Variants in KLF5 observed in about 807,000 individuals in gnomAD.
KLF5 encodes KLF transcription factor 5.
A neutral mutation model predicts 36.9 loss-of-function variants in KLF5; 9 were observed. The observed-to-expected ratio is 0.24, with a 90% CI of 0.15 to 0.43. The LOEUF is 0.43. Among genes scored for constraint, KLF5 ranks in the 20% least tolerant of loss-of-function variants. The pLI, the probability that KLF5 is intolerant of heterozygous loss-of-function variation, is 1.00. For synonymous variants in KLF5, 246 were observed against 241.7 expected (o/e 1.02, Z -0.17); for missense variants, 524 against 599.5 (o/e 0.87, Z 1.31).
At chr13:73,060,390 C>A (rs41286072) in intron 1 of KLF5, among the ~76,000 whole-genome samples, 1 of 152,138 alleles carries the variant, frequency 6.6e-6, no homozygotes, top group Non-Finnish European at 1.5e-5. Flanking sequence ...TACCCACATG[C>A]AAACAGCTGG....
At chr13:73,066,897 AT>A (rs1196709554) in intron 3 of KLF5, among the ~76,000 whole-genome samples, 4 of 152,160 alleles carry the variant, frequency 2.6e-5, no homozygotes, top group Non-Finnish European at 4.4e-5. Context: ...TACTGGAAAC[AT>A]TTGCTTCTAT....
chr13:73,069,501 C>T (rs2044707458), intron 3 of KLF5, among the ~76,000 whole-genome samples: 4 of 151,660 alleles, frequency 2.6e-5, no homozygotes, highest in Admixed American at 2.6e-4. Context: ...TCATTCTTTT[C>T]CATTTTTTTT....
Position 73,062,521 on chromosome 13 carries a change from G to A in KLF5, c.922G>A (p.Glu308Lys). ...TYFPPSPPSS[E>K]PGSPDRQAEM... ...CTTTCCCCCGTCACCACCAAGCTCAGAGCCTGGAAGTCCAGATAGACAAGC... is the reference window on the plus strand; with the variant it reads ...CTTTCCCCCGTCACCACCAAGCTCAAAGCCTGGAAGTCCAGATAGACAAGC... The change falls in exon 2 of 4, where the codon GAG becomes AAG. Residue 308 changes from glutamate (E) to lysine (K), a missense_variant. By Grantham distance (56) the Glu-to-Lys change is moderately conservative. Transcript: ENST00000377687. 1 of 1,614,164 alleles carries A rather than the reference G, an allele frequency of 6.2e-7. No individual in the cohort carries two copies. Among genetic ancestry groups the A allele is most frequent in the Non-Finnish European group, 8.5e-7 (1 of 1,180,040 alleles).
Position 73,062,117 on chromosome 13 carries a change from G to A in KLF5, c.518G>A (p.Ser173Asn). The A allele has an allele frequency of 6.2e-7, 1 of 1,614,086 alleles. No individual in the cohort carries two copies. Among genetic ancestry groups the A allele is most frequent in the Non-Finnish European group, 8.5e-7 (1 of 1,180,028 alleles). ...CCTGTTGCCATTTTCAGCCACCAGA[G>A]TGAAACGACTGCCCCTCCTCCGGCC... ...TEPVAIFSHQ[S>N]ETTAPPPAPT... The change falls in exon 2 of 4, where the codon AGT (serine) becomes AAT (asparagine). Residue 173 changes from serine to asparagine, a missense_variant. Transcript: ENST00000377687.
At chr13:73,066,448 A>G (rs1441399082) in intron 3 of KLF5, among the ~76,000 whole-genome samples, 1 of 151,898 alleles carries the variant, frequency 6.6e-6, no homozygotes, top group Non-Finnish European at 1.5e-5. Flanking sequence ...CGGACCGTTG[A>G]TCAGAGGACT....
In KLF5 at chr13:73,075,939, C is replaced by T. The variant is rs2044757550; in HGVS notation, c.*53C>T. 7.3e-7 allele frequency: 1 copy of T among 1,360,738 alleles called. No individual in the cohort carries two copies. Among genetic ancestry groups the T allele is most frequent in the Admixed American group, 2.6e-5 (1 of 38,488 alleles). The allele number at this position is 1,360,738 out of a possible 1,614,324, so 84.3% of individuals were successfully genotyped here. On this transcript the variant is annotated 3_prime_UTR_variant, in exon 4 of 4. Coordinates refer to ENST00000377687, the MANE Select transcript of KLF5 (RefSeq NM_001730.5). ...CCCCTGGGCTCCCTCAAATGACAGA[C>T]CTAACTATTCCTGTGTAAAAACAAC... is the stretch of plus-strand genomic sequence containing the variant.
At position 73,069,225 on chromosome 13, in the gene KLF5, G is replaced by C. The variant is rs1231107741; in HGVS notation, c.1195+5342G>C. Among the ~76,000 whole-genome samples the C allele has an allele frequency of 2.6e-5, 4 of 152,162 alleles. No individual in the cohort carries two copies. The East Asian group carries it at 7.7e-4, about 29-fold the overall frequency. Reference sequence around the variant, plus strand: ...TTACTCTTCTTTTTGTGGAACTGTGGGAAAAGGGTAAAAGGCTTTTTAGGA... The same window carrying C: ...TTACTCTTCTTTTTGTGGAACTGTGCGAAAAGGGTAAAAGGCTTTTTAGGA... On this transcript the variant is annotated intron_variant, in intron 3 of 3. Coordinates refer to ENST00000377687, the MANE Select transcript of KLF5 (RefSeq NM_001730.5).
intron 3 of KLF5, among the ~76,000 whole-genome samples, chr13:73,068,638 A>T (rs1369232320): frequency 7.2e-6 from 1 of 138,804 alleles, no homozygotes; most frequent in African/African-American, 2.7e-5. Context: ...CACGAGGCGG[A>T]GGTTGCAGTG....
At position 73,059,057 on chromosome 13, in the gene KLF5, G is replaced by A. The variant is rs569317819; in HGVS notation, c.-271G>A. The A allele has an allele frequency of 3.4e-5, 11 of 319,266 alleles. No homozygotes were observed. In the East Asian group the frequency reaches 4.8e-4, roughly 14 times the overall value. 19.8% of individuals were successfully genotyped at this position (319,266 alleles called of 1,614,324 possible). A position where few individuals can be genotyped will look rare whatever the true frequency, so the allele number is the denominator to read the frequency against. On this transcript the variant is annotated 5_prime_UTR_variant, in exon 1 of 4. Transcript: ENST00000377687. ...GGTTCTCTCGCGGAGGTCGGCGGTG[G>A]CGGGAGCGGGCTCCGGAGAGCCTGA...
chr13:73,064,950 A>G (rs765949224), intron 3 of KLF5, among the ~76,000 whole-genome samples: 1 of 152,254 alleles, frequency 6.6e-6, no homozygotes, highest in Non-Finnish European at 1.5e-5. Flanking sequence ...ATTGTCAAAT[A>G]TATAGATGGT....
At chr13:73,072,222 AG>A (rs57574208) in intron 3 of KLF5, among the ~76,000 whole-genome samples, 2 of 151,590 alleles carry the variant, frequency 1.3e-5, no homozygotes, top group African/African-American at 4.9e-5. Context: ...AGTCATTCAG[AG>A]GGGGGAAAAA....
At chr13:73,071,673 G>A (rs967904050) in intron 3 of KLF5, among the ~76,000 whole-genome samples, 1 of 151,952 alleles carries the variant, frequency 6.6e-6, no homozygotes, top group Non-Finnish European at 1.5e-5. Context: ...ACTAAATTTC[G>A]TAAGTCTCAA....
At chr13:73,055,744 G>A (rs769980385), upstream of KLF5, among the ~76,000 whole-genome samples, 17 of 152,246 alleles carry the variant, frequency 1.1e-4, no homozygotes, top group Non-Finnish European at 2.1e-4. Context: ...AGAGAAGAGT[G>A]TGCTCCCGTA....
intron 3 of KLF5, among the ~76,000 whole-genome samples, chr13:73,068,575 A>G (rs1460746316): frequency 6.6e-6 from 1 of 151,706 alleles, no homozygotes; most frequent in East Asian, 2.0e-4. Context: ...GTGGTGGCAC[A>G]TGCCTGTAGT....
intron 2 of KLF5, among the ~76,000 whole-genome samples, chr13:73,063,352 G>A (rs1164877635): frequency 6.6e-6 from 1 of 152,178 alleles, no homozygotes; most frequent in East Asian, 1.9e-4. Flanking sequence ...AAGTTACTGG[G>A]AAAGCTAGTT....
intron 1 of KLF5, among the ~76,000 whole-genome samples, chr13:73,060,377 A>C (rs1396103408): frequency 6.6e-6 from 1 of 152,182 alleles, no homozygotes; most frequent in Non-Finnish European, 1.5e-5. Context: ...AAAATTGGAA[A>C]CATACCCACA....
At chr13:73,059,687 G>A in intron 1 of KLF5, 99 bp downstream of exon 1, 1 of 1,006,678 alleles carries the variant, frequency 9.9e-7, no homozygotes, top group Non-Finnish European at 1.2e-6. Flanking sequence ...AGGCTGGGGC[G>A]TGCGTCGGGG....
Position 73,076,136 on chromosome 13 carries a change from A to T in KLF5, c.*250A>T. 9.9e-5 allele frequency: 27 copies of T among 271,750 alleles called. No individual in the cohort carries two copies. The highest frequency in any genetic ancestry group is 2.9e-4 in the South Asian group (2 of 6,916). 16.8% of individuals were successfully genotyped at this position (271,750 alleles called of 1,614,324 possible). A position where few individuals can be genotyped will look rare whatever the true frequency, so the allele number is the denominator to read the frequency against. ...ACTCAAGCAGATCTCATCTCATGAC[A>T]GGCAGCCACGTCTCAACATGGGTAA... On this transcript the variant is annotated 3_prime_UTR_variant, in exon 4 of 4. Coordinates refer to ENST00000377687, the MANE Select transcript of KLF5 (RefSeq NM_001730.5).
Position 73,061,880 on chromosome 13 carries a change from A to C in KLF5, c.281A>C (p.Lys94Thr), listed in dbSNP as rs1326067495. ...TTTTAGACAAGATGTGAAATGGAGA[A>C]GTATCTGACACCTCAGCTTCCTCCA... ...DLVQTRCEMEKYLTPQLPPVP... is the reference protein window; with the variant it reads ...DLVQTRCEMETYLTPQLPPVP... Residue 94 changes from lysine to threonine, a missense_variant, in exon 2 of 4, where the codon AAG becomes ACG. Lys to Thr is a moderately conservative substitution (Grantham distance 78). Coordinates refer to ENST00000377687, the MANE Select transcript of KLF5 (RefSeq NM_001730.5). The C allele has an allele frequency of 6.8e-6, 11 of 1,610,924 alleles. No homozygotes were observed. The highest frequency in any genetic ancestry group is 9.3e-6 in the Non-Finnish European group (11 of 1,177,400).
Sources: gnomAD v4.1 joint callset for allele counts (sites outside exome capture counted in the v4.1 genomes callset) on GRCh38, gnomAD v4.1.1 for gene constraint, MANE v1.5 for transcripts, NCBI Gene and HGNC (gene_info 2026-07-23, HGNC 2026-07-21) for gene names.